Variants in ANKFY1 observed in about 807,000 individuals in gnomAD.
ANKFY1 encodes the protein ankyrin repeat and FYVE domain-containing protein 1.
A neutral mutation model predicts 128.3 loss-of-function variants in ANKFY1; 47 were observed. That is an observed-to-expected ratio of 0.37 (90% CI 0.29 to 0.47). ANKFY1 has a LOEUF of 0.47. Among genes scored for constraint, ANKFY1 ranks in the 20% least tolerant of loss-of-function variants. The pLI is 1.00. For missense variants in ANKFY1, 1,222 were observed against 1,510.6 expected (o/e 0.81, Z 3.17); for synonymous variants, 553 against 601.6 (o/e 0.92, Z 1.18).
At chr17:4,182,762 T>G (rs1164621919) in intron 14 of ANKFY1, among the ~76,000 whole-genome samples, 1 of 152,216 alleles carries the variant, frequency 6.6e-6, no homozygotes, top group Non-Finnish European at 1.5e-5. Context: ...GCCTTGTTGG[T>G]GGCTCATTTG....
chr17:4,209,938 C>T lies in ANKFY1; in HGVS notation c.468G>A (p.Lys156=). 3 of 1,612,240 alleles carry T rather than the reference C, an allele frequency of 1.9e-6. No homozygotes were observed. Among genetic ancestry groups the T allele is most frequent in the Non-Finnish European group, 2.5e-6 (3 of 1,178,508 alleles). The change falls in exon 5 of 25, where the codon AAG becomes AAA. Residue 156 remains lysine, a synonymous_variant. Transcript: ENST00000341657. ...QLQLLRERCE[K]GVMSLVNVRN... is the part of the protein sequence containing the mutation. ...TGACATTCACTAGAGACATAACACC[C>T]TTCTCACATCTGTAAGAGAGTATTC... is the stretch of plus-strand genomic sequence containing the variant.
chr17:4,210,284 A>G (rs1291130746), intron 4 of ANKFY1, among the ~76,000 whole-genome samples: 3 of 152,160 alleles, frequency 2.0e-5, no homozygotes, highest in Admixed American at 6.5e-5. Flanking sequence ...AAATGGATCA[A>G]CCTCTGTCCT....
intron 3 of ANKFY1, among the ~76,000 whole-genome samples, chr17:4,225,159 C>G (rs1453762538): frequency 6.6e-6 from 1 of 151,956 alleles, no homozygotes; most frequent in Non-Finnish European, 1.5e-5. Flanking sequence ...AGTTTGAAAC[C>G]AGCCTGGCCA....
intron 3 of ANKFY1, 53 bp from the exon 4 acceptor site, chr17:4,217,171 C>G: frequency 6.3e-7 from 1 of 1,588,188 alleles, no homozygotes; most frequent in Non-Finnish European, 8.6e-7. Context: ...CATGCTTAGA[C>G]TTTCTCAAGG....
At chr17:4,176,297 G>A (rs942643337) in intron 19 of ANKFY1, among the ~76,000 whole-genome samples, 2 of 152,248 alleles carry the variant, frequency 1.3e-5, no homozygotes, top group African/African-American at 4.8e-5. Context: ...GCCAAAGGCT[G>A]CTCAGGTGCC....
intron 20 of ANKFY1, among the ~76,000 whole-genome samples, 155 bp downstream of exon 20, chr17:4,173,754 C>A (rs138614562): frequency 1.3e-5 from 2 of 152,190 alleles, no homozygotes; most frequent in Non-Finnish European, 2.9e-5. Flanking sequence ...CCTGGGCAGT[C>A]GCAGGTTGGA....
chr17:4,222,980 A>T (rs1383518132), intron 3 of ANKFY1: 1 of 1,064,490 alleles, frequency 9.4e-7, no homozygotes, highest in African/African-American at 1.6e-5. Flanking sequence ...TGGAGGCCAA[A>T]GCCAAGGTGA....
intron 3 of ANKFY1, among the ~76,000 whole-genome samples, chr17:4,224,629 T>C (rs1362145997): frequency 1.1e-4 from 16 of 151,664 alleles, no homozygotes; most frequent in Non-Finnish European, 4.4e-5. Context: ...TTAATACTTA[T>C]TAGAAGCAAA....
intron 4 of ANKFY1, among the ~76,000 whole-genome samples, chr17:4,214,434 C>T (rs544597904): frequency 6.6e-6 from 1 of 151,934 alleles, no homozygotes; most frequent in Admixed American, 6.6e-5. Context: ...GCAAGACAGA[C>T]AGACTTTCAC....
intron 3 of ANKFY1, among the ~76,000 whole-genome samples, chr17:4,234,640 C>G (rs1966861363): frequency 6.6e-6 from 1 of 152,004 alleles, no homozygotes; most frequent in African/African-American, 2.4e-5. Context: ...AGATTCCCAA[C>G]AAGCTGGGAC....
intron 12 of ANKFY1, among the ~76,000 whole-genome samples, chr17:4,184,200 C>G (rs1361298428): frequency 6.6e-6 from 1 of 152,138 alleles, no homozygotes; most frequent in Non-Finnish European, 1.5e-5. Flanking sequence ...AAAACAACGC[C>G]CTGATGATGT....
In ANKFY1 at chr17:4,184,663, C is replaced by T. The variant is rs759596172; in HGVS notation, c.1699+155G>A. Among the ~76,000 whole-genome samples the T allele has an allele frequency of 1.1e-4, 16 of 152,202 alleles. 1 individual carries two copies. Among genetic ancestry groups the T allele is most frequent in the Admixed American group, 2.6e-4 (4 of 15,280 alleles). On this transcript the variant is annotated intron_variant, in intron 12 of 24. Transcript: ENST00000341657. Reference sequence around the variant, plus strand: ...AGGGAAGCAGCAGTCAAGAGCCAGACTACATGCTTCTCTAGTTTGACCTGA... The same window carrying T: ...AGGGAAGCAGCAGTCAAGAGCCAGATTACATGCTTCTCTAGTTTGACCTGA...
chr17:4,216,371 G>A lies in ANKFY1; in HGVS notation c.458+612C>T, dbSNP rs1339161468. On this transcript the variant is annotated intron_variant, in intron 4 of 24. Transcript: ENST00000341657. ...AGAGCCACAGCTCCAATAGAAAGAC[G>A]CTCCCGGACATCTCGTCTGACATTA... The A allele has an allele frequency of 6.9e-5, 11 of 158,654 alleles. No individual in the cohort carries two copies. The South Asian group carries it at 1.2e-3, about 18-fold the overall frequency. The allele number at this position is 158,654 out of a possible 1,614,324, so 9.8% of individuals were successfully genotyped here. A position where few individuals can be genotyped will look rare whatever the true frequency, so the allele number is the denominator to read the frequency against.
At chr17:4,213,809 G>A (rs1045488040) in intron 4 of ANKFY1, among the ~76,000 whole-genome samples, 9 of 151,788 alleles carry the variant, frequency 5.9e-5, no homozygotes, top group African/African-American at 1.5e-4. Flanking sequence ...TCCTGACTTC[G>A]GGATCCACCC....
intron 1 of ANKFY1, among the ~76,000 whole-genome samples, chr17:4,260,636 A>C (rs1259635522): frequency 6.6e-6 from 1 of 151,622 alleles, no homozygotes; most frequent in African/African-American, 2.4e-5. Flanking sequence ...AAAAAAAAAA[A>C]AAAAAACCCA....
chr17:4,247,775 C>T (rs1967626875), intron 1 of ANKFY1, among the ~76,000 whole-genome samples: 1 of 152,160 alleles, frequency 6.6e-6, no homozygotes, highest in African/African-American at 2.4e-5. Flanking sequence ...TGGGATCAAG[C>T]CCAGCCCCAC....
Position 4,224,956 on chromosome 17 carries a change from T to A in ANKFY1, c.323-7838A>T, listed in dbSNP as rs563181953. On this transcript the variant is annotated intron_variant, in intron 3 of 24. Coordinates refer to ENST00000341657, the MANE Select transcript of ANKFY1 (RefSeq NM_001330063.2). ...TTGAGTTGTCGTTTTTTTTTTTTTTTTAAATAAACTGGTAAATTTTGTGCT... is the reference window on the plus strand; with the variant it reads ...TTGAGTTGTCGTTTTTTTTTTTTTTATAAATAAACTGGTAAATTTTGTGCT... 1.0e-3 allele frequency among the ~76,000 whole-genome samples: 157 copies of A among 151,746 alleles called. 1 individual carries two copies. Among genetic ancestry groups the A allele is most frequent in the South Asian group, 7.1e-3 (34 of 4,816 alleles).
chr17:4,259,846 A>G (rs1259860717), intron 1 of ANKFY1, among the ~76,000 whole-genome samples: 2 of 152,174 alleles, frequency 1.3e-5, no homozygotes, highest in African/African-American at 4.8e-5. Flanking sequence ...TCCTGCCCTC[A>G]TGGGGTTTAT....
At position 4,166,065 on chromosome 17, in the gene ANKFY1, G is replaced by A. The variant is rs1445997415; in HGVS notation, c.*1714C>T. ...AAATATGTCAGACTGGGGGACGGGGGATCTCTTCTAATTCATTGTTTTTCT... is the reference window on the plus strand; with the variant it reads ...AAATATGTCAGACTGGGGGACGGGGAATCTCTTCTAATTCATTGTTTTTCT... On this transcript the variant is annotated 3_prime_UTR_variant, in exon 25 of 25. Coordinates refer to ENST00000341657, the MANE Select transcript of ANKFY1 (RefSeq NM_001330063.2). 6.6e-6 allele frequency: 1 copy of A among 152,166 alleles called. No individual in the cohort carries two copies. The highest frequency in any genetic ancestry group is 1.5e-5 in the Non-Finnish European group (1 of 68,036). The allele number at this position is 152,166 out of a possible 1,614,324, so 9.4% of individuals were successfully genotyped here. A position where few individuals can be genotyped will look rare whatever the true frequency, so the allele number is the denominator to read the frequency against.
Sources: allele counts gnomAD v4.1 joint callset (sites outside exome capture counted in the v4.1 genomes callset), GRCh38; gene constraint gnomAD v4.1.1; transcripts MANE v1.5; gene names NCBI Gene and HGNC (gene_info 2026-07-23, HGNC 2026-07-21).